MYLK: variants seen among roughly 807,000 people sequenced by gnomAD.
MYLK encodes myosin light chain kinase, smooth muscle.
A neutral mutation model predicts 203.4 loss-of-function variants in MYLK; 106 were observed. The ratio of observed to expected loss-of-function variants is 0.52; its 90% CI spans 0.45 to 0.61. The LOEUF (loss-of-function observed/expected upper bound fraction) is 0.61. MYLK is among the 20% of genes least tolerant of loss of function. The pLI is 0.00. For synonymous variants in MYLK, 867 were observed against 959.5 expected (o/e 0.90, Z 1.78); for missense variants, 2,072 against 2,442.3 (o/e 0.85, Z 3.20).
chr3:123,769,797 T>C (rs796441289), intron 4 of MYLK, among the ~76,000 whole-genome samples: 25 of 152,308 alleles, frequency 1.6e-4, no homozygotes, highest in African/African-American at 5.5e-4. Flanking sequence ...GACTGGCACA[T>C]AGTAGGTGAT....
chr3:123,631,647 A>C (rs2058429729), intron 29 of MYLK, among the ~76,000 whole-genome samples: 1 of 152,222 alleles, frequency 6.6e-6, no homozygotes, highest in African/African-American at 2.4e-5. Context: ...AAGCTTTTAC[A>C]ATGTGAATTG....
At chr3:123,703,630 G>C (rs1027451473) in intron 16 of MYLK, among the ~76,000 whole-genome samples, 2 of 152,128 alleles carry the variant, frequency 1.3e-5, no homozygotes, top group Non-Finnish European at 2.9e-5. Flanking sequence ...AGTGTGCCCC[G>C]AGTTCTCAAC....
At chr3:123,737,237 A>AAT in intron 8 of MYLK, 141 bp downstream of exon 8, 1 of 964,974 alleles carries the variant, frequency 1.0e-6, no homozygotes, top group Non-Finnish European at 1.6e-6. Context: ...AAAAAAAAAA[A>AAT]GACCTGCCCC....
chr3:123,689,819 T>C (rs1576565036), intron 19 of MYLK: 1 of 152,226 alleles, frequency 6.6e-6, no homozygotes, highest in Admixed American at 6.5e-5. Flanking sequence ...AAGGGTGATA[T>C]GACCATAATC....
At chr3:123,861,035 T>C (rs1346036606) in intron 2 of MYLK, among the ~76,000 whole-genome samples, 1 of 150,784 alleles carries the variant, frequency 6.6e-6, no homozygotes, top group Non-Finnish European at 1.5e-5. Flanking sequence ...GAGGCTGAGG[T>C]AGGAGAAAGG....
intron 29 of MYLK, among the ~76,000 whole-genome samples, chr3:123,631,105 A>G (rs2058401666): frequency 6.6e-6 from 1 of 152,084 alleles, no homozygotes; most frequent in African/African-American, 2.4e-5. Context: ...GCCCCATGAG[A>G]TGGGTCTGGG....
chr3:123,753,579 A>G (rs990811769), intron 4 of MYLK, among the ~76,000 whole-genome samples: 1 of 151,608 alleles, frequency 6.6e-6, no homozygotes, highest in Non-Finnish European at 1.5e-5. Context: ...GAGAGAAGAC[A>G]TCTCTCAAAA....
intron 20 of MYLK, among the ~76,000 whole-genome samples, chr3:123,671,765 G>GGA (rs1418585590): frequency 3.3e-5 from 5 of 152,110 alleles, no homozygotes; most frequent in African/African-American, 4.8e-5. Flanking sequence ...AGGGCACAGT[G>GGA]GAGAGAGAGA....
At chr3:123,862,501 C>T (rs2032007559) in intron 2 of MYLK, among the ~76,000 whole-genome samples, 1 of 152,110 alleles carries the variant, frequency 6.6e-6, no homozygotes, top group Non-Finnish European at 1.5e-5. Context: ...AGCTGCAAGG[C>T]CTGGATGAAG....
At chr3:123,664,036 G>A (rs901773940) in intron 23 of MYLK, 69 bp downstream of exon 23, 90 of 1,602,874 alleles carry the variant, frequency 5.6e-5, no homozygotes, top group Admixed American at 3.3e-4. Flanking sequence ...TGAGGCCCAC[G>A]TATCTTGCCT....
chr3:123,753,039 T>C (rs1002129800), intron 4 of MYLK, among the ~76,000 whole-genome samples: 1 of 152,212 alleles, frequency 6.6e-6, no homozygotes. Context: ...CTGATGCTGC[T>C]GGTCCCTGGA....
chr3:123,787,829 A>C (rs921475683), intron 4 of MYLK, among the ~76,000 whole-genome samples: 1 of 152,072 alleles, frequency 6.6e-6, no homozygotes, highest in African/African-American at 2.4e-5. Context: ...CCCATTCCTA[A>C]CCCCAAACCA....
chr3:123,841,623 T>C (rs2066594035), intron 2 of MYLK, among the ~76,000 whole-genome samples: 1 of 152,180 alleles, frequency 6.6e-6, no homozygotes, highest in Admixed American at 6.5e-5. Flanking sequence ...CTCCCTTTTC[T>C]AGCTACCATC....
chr3:123,766,774 G>C lies in MYLK; in HGVS notation c.166-14236C>G, dbSNP rs548383089. On this transcript the variant is annotated intron_variant, in intron 4 of 33. Transcript: ENST00000360304. ...GGCTCTTGCCAACTTAGTTCCACAGGGCACAGCCCTCTCACAAGCTATTGC... is the reference window on the plus strand; with the variant it reads ...GGCTCTTGCCAACTTAGTTCCACAGCGCACAGCCCTCTCACAAGCTATTGC... Among the ~76,000 whole-genome samples, 4 of 152,348 alleles carry C rather than the reference G, an allele frequency of 2.6e-5. No homozygotes were observed. In the East Asian group the frequency reaches 5.8e-4, roughly 22 times the overall value.
chr3:123,826,687 C>T (rs2066133137), intron 3 of MYLK, among the ~76,000 whole-genome samples: 1 of 152,184 alleles, frequency 6.6e-6, no homozygotes, highest in African/African-American at 2.4e-5. Context: ...TTGGTCAATC[C>T]ATCATTTACA....
intron 2 of MYLK, among the ~76,000 whole-genome samples, chr3:123,847,390 T>C (rs748753809): frequency 7.9e-5 from 12 of 152,136 alleles, no homozygotes; most frequent in Non-Finnish European, 1.6e-4. Context: ...ATCTTTATCT[T>C]CAATATTCAC....
rs1553783586 is a variant in MYLK, at chr3:123,653,986, T to TTGGGTGTGTG, written c.4288+3139_4288+3140insCACACACCCA. Among the ~76,000 whole-genome samples, 163 of 137,756 alleles carry TTGGGTGTGTG rather than the reference T, an allele frequency of 1.2e-3. No homozygotes were observed. The Middle Eastern group carries it at 0.015, about 13-fold the overall frequency. The allele number at this position is 137,756 out of a possible 152,430, so 90.4% of individuals were successfully genotyped here. A position where few individuals can be genotyped will look rare whatever the true frequency, so the allele number is the denominator to read the frequency against. On this transcript the variant is annotated intron_variant, in intron 24 of 33. Transcript: ENST00000360304. ...CCACTCTGCTCATTTCAGAGGGATG[T>TTGGGTGTGTG]TGTGTGTGTGTGTGTGTGTGTGTGT...
At chr3:123,726,811 G>A (rs820333) in intron 11 of MYLK, among the ~76,000 whole-genome samples, 1,764 of 152,266 alleles carry the variant, frequency 0.012, 12 homozygotes, top group Non-Finnish European at 0.017. Flanking sequence ...CCTTAATTAA[G>A]AGCAATAGGG....
At chr3:123,717,447 T>G (rs1435423109) in intron 13 of MYLK, among the ~76,000 whole-genome samples, 1 of 152,218 alleles carries the variant, frequency 6.6e-6, no homozygotes, top group Non-Finnish European at 1.5e-5. Context: ...CCTACCCACA[T>G]TTTATGTCCT....
Sources: allele counts gnomAD v4.1 joint callset (sites outside exome capture counted in the v4.1 genomes callset), GRCh38; gene constraint gnomAD v4.1.1; transcripts MANE v1.5; gene names NCBI Gene and HGNC (gene_info 2026-07-23, HGNC 2026-07-21).